PCTP: variants seen among roughly 807,000 people sequenced by gnomAD.
PCTP encodes START domain-containing protein 2.
Under a neutral mutation model 31.0 loss-of-function variants are expected in PCTP, and 27 were observed. The observed-to-expected ratio is 0.87, with a 90% CI of 0.64 to 1.20. PCTP has a LOEUF of 1.20. PCTP is among the 50% of genes most tolerant of loss of function. The probability of loss-of-function intolerance (pLI) is 0.00; values close to 1 mark genes in which losing one functional copy is unlikely to be tolerated. For synonymous variants in PCTP, 108 were observed against 101.2 expected (o/e 1.07, Z -0.40); for missense variants, 287 against 268.2 (o/e 1.07, Z -0.49).
At chr17:55,797,396 G>T (rs1483777795) in intron 3 of PCTP, among the ~76,000 whole-genome samples, 1 of 151,990 alleles carries the variant, frequency 6.6e-6, no homozygotes, top group Non-Finnish European at 1.5e-5. Context: ...CCAAGAGAAA[G>T]CAGAGCTCAT....
chr17:55,751,137 C>G lies in PCTP; in HGVS notation c.34C>G (p.Gln12Glu). 3 of 1,545,580 alleles carry G rather than the reference C, an allele frequency of 1.9e-6. No individual in the cohort carries two copies. The highest frequency in any genetic ancestry group is 2.6e-6 in the Non-Finnish European group (3 of 1,145,280). Reference sequence around the variant, plus strand: ...GGCCGCCGGAAGCTTCTCGGAGGAGCAGTTCTGGGAGGCCTGCGCCGAGCT... The same window carrying G: ...GGCCGCCGGAAGCTTCTCGGAGGAGGAGTTCTGGGAGGCCTGCGCCGAGCT... ...ELAAGSFSEEQFWEACAELQQ... is the reference protein window; with the variant it reads ...ELAAGSFSEEEFWEACAELQQ... Residue 12 changes from glutamine to glutamate, a missense_variant, in exon 1 of 6, where the codon CAG (glutamine) becomes GAG (glutamate). Physicochemically the swap from Gln to Glu is conservative, Grantham distance 29. Coordinates refer to ENST00000268896, the MANE Select transcript of PCTP (RefSeq NM_021213.4).
At chr17:55,768,571 G>A (rs565602322) in intron 2 of PCTP, among the ~76,000 whole-genome samples, 1 of 152,214 alleles carries the variant, frequency 6.6e-6, no homozygotes, top group South Asian at 2.1e-4. Context: ...CCTATCCTAG[G>A]TCTTCGACTA....
chr17:55,815,318 A>C (rs1481414550), intron 3 of PCTP, among the ~76,000 whole-genome samples: 1 of 152,230 alleles, frequency 6.6e-6, no homozygotes, highest in African/African-American at 2.4e-5. Context: ...GAGTTCAGCA[A>C]AGGTAAATGT....
intron 3 of PCTP, among the ~76,000 whole-genome samples, chr17:55,817,010 T>A (rs1291254673): frequency 6.6e-6 from 1 of 152,208 alleles, no homozygotes; most frequent in Non-Finnish European, 1.5e-5. Flanking sequence ...TTTAATAGAA[T>A]GTGAAAGCTG....
intron 3 of PCTP, among the ~76,000 whole-genome samples, chr17:55,811,791 A>G (rs866772111): frequency 3.3e-5 from 5 of 152,314 alleles, no homozygotes; most frequent in South Asian, 2.1e-4. Flanking sequence ...CTTGTCAGGC[A>G]TCTGCCAAAA....
chr17:55,849,923 A>G, the PCTP span, among the ~76,000 whole-genome samples: 1 of 152,160 alleles, frequency 6.6e-6, no homozygotes, highest in Non-Finnish European at 1.5e-5. Flanking sequence ...AAAATTATCA[A>G]TGTAATTTGA....
At chr17:55,760,489 T>C (rs1910280801) in intron 1 of PCTP, among the ~76,000 whole-genome samples, 2 of 152,198 alleles carry the variant, frequency 1.3e-5, no homozygotes, top group African/African-American at 4.8e-5. Flanking sequence ...TGCAGGTTAG[T>C]AGTGGAAGAG....
At chr17:55,843,492 G>C (rs1906050507), downstream of PCTP, among the ~76,000 whole-genome samples, 1 of 152,150 alleles carries the variant, frequency 6.6e-6, no homozygotes, top group Non-Finnish European at 1.5e-5. Context: ...AATAAACCGT[G>C]GTGTTTCATG....
Position 55,777,006 on chromosome 17 carries a change from A to C in PCTP, c.*906A>C, listed in dbSNP as rs1265171055. 2.0e-6 allele frequency: 2 copies of C among 985,624 alleles called. No homozygotes were observed. The highest frequency in any genetic ancestry group is 3.5e-5 in the African/African-American group (2 of 57,230). 61.1% of individuals were successfully genotyped at this position (985,624 alleles called of 1,614,324 possible). A position where few individuals can be genotyped will look rare whatever the true frequency, so the allele number is the denominator to read the frequency against. On this transcript the variant is annotated 3_prime_UTR_variant, in exon 6 of 6. Coordinates refer to ENST00000268896, the MANE Select transcript of PCTP (RefSeq NM_021213.4). ...TGAATTTTCCTCCCAGAATATTTAG[A>C]AATGTAGAAGGGATAACAGTTCACA... is the stretch of plus-strand genomic sequence containing the variant.
intron 3 of PCTP, among the ~76,000 whole-genome samples, chr17:55,822,138 C>T (rs538640490): frequency 6.6e-6 from 1 of 152,244 alleles, no homozygotes; most frequent in South Asian, 2.1e-4. Context: ...TTCCAAGAAA[C>T]AAAACGTGAG....
chr17:55,808,849 C>A (rs1487030267), intron 3 of PCTP, among the ~76,000 whole-genome samples: 1 of 152,176 alleles, frequency 6.6e-6, no homozygotes, highest in African/African-American at 2.4e-5. Flanking sequence ...TTTCCTTCCC[C>A]CTCAACCCCA....
At chr17:55,761,126 C>T (rs993463106) in intron 1 of PCTP, among the ~76,000 whole-genome samples, 1 of 152,130 alleles carries the variant, frequency 6.6e-6, no homozygotes, top group Admixed American at 6.5e-5. Flanking sequence ...AGGACTTAGG[C>T]AAGTAAGTTG....
downstream of PCTP, chr17:55,842,918 C>T (rs1264227326): frequency 6.6e-6 from 1 of 152,178 alleles, no homozygotes; most frequent in African/African-American, 2.4e-5. Context: ...CTGGAAAGCA[C>T]ATGTGGTGTG....
chr17:55,753,960 T>C (rs1040168948), intron 1 of PCTP, among the ~76,000 whole-genome samples: 1 of 152,208 alleles, frequency 6.6e-6, no homozygotes, highest in Non-Finnish European at 1.5e-5. Context: ...GTCCTCATTA[T>C]TGGAAGTACA....
intron 3 of PCTP, among the ~76,000 whole-genome samples, chr17:55,795,359 G>A (rs1048106357): frequency 1.3e-5 from 2 of 151,982 alleles, no homozygotes; most frequent in Admixed American, 1.3e-4. Context: ...GAATCCAAGG[G>A]ACTTATTCAT....
the PCTP span, among the ~76,000 whole-genome samples, chr17:55,848,349 G>A: frequency 6.6e-6 from 1 of 152,214 alleles, no homozygotes; most frequent in Non-Finnish European, 1.5e-5. Context: ...TACAGTGAGA[G>A]ATAGTACCTC....
At chr17:55,816,482 G>T (rs1470954293) in intron 3 of PCTP, among the ~76,000 whole-genome samples, 2 of 152,200 alleles carry the variant, frequency 1.3e-5, no homozygotes, top group East Asian at 1.9e-4. Flanking sequence ...TATATTAAAT[G>T]ACTCTTTTAG....
intron 2 of PCTP, among the ~76,000 whole-genome samples, chr17:55,768,600 C>T (rs1910814742): frequency 6.6e-6 from 1 of 152,134 alleles, no homozygotes; most frequent in Admixed American, 6.5e-5. Context: ...ACTAGTTCTA[C>T]TACTACTATT....
the PCTP span, among the ~76,000 whole-genome samples, chr17:55,851,143 A>T: frequency 2.0e-5 from 3 of 152,212 alleles, no homozygotes; most frequent in Non-Finnish European, 4.4e-5. Flanking sequence ...CTGGCCATTG[A>T]TGCCAAAAAA....
Sources: allele counts gnomAD v4.1 joint callset (sites outside exome capture counted in the v4.1 genomes callset), GRCh38; gene constraint gnomAD v4.1.1; transcripts MANE v1.5; gene names NCBI Gene and HGNC (gene_info 2026-07-23, HGNC 2026-07-21).